KCTD8: variants seen among roughly 807,000 people sequenced by gnomAD.
KCTD8 encodes BTB/POZ domain-containing protein KCTD8.
In KCTD8, 27 loss-of-function variants were observed where a neutral mutation model predicts 31.5. The observed-to-expected ratio is 0.86, with a 90% CI of 0.63 to 1.18. The LOEUF is 1.18. Ranked by LOEUF, KCTD8 falls within the 50% of genes most tolerant of loss-of-function variation. KCTD8 has a pLI of 0.00. For synonymous variants in KCTD8, 290 were observed against 280.0 expected, an observed-to-expected ratio of 1.04 and a Z score of -0.36; for missense variants, 658 against 647.7, an observed-to-expected ratio of 1.02 and a Z score of -0.17.
At chr4:44,429,587 A>G (rs1418495186) in intron 1 of KCTD8, among the ~76,000 whole-genome samples, 3 of 151,946 alleles carry the variant, frequency 2.0e-5, no homozygotes, top group Non-Finnish European at 2.9e-5. Context: ...ACACCATTCA[A>G]TAAGTTCAGC....
intron 1 of KCTD8, among the ~76,000 whole-genome samples, chr4:44,414,930 G>A (rs1346360976): frequency 3.9e-5 from 6 of 152,228 alleles, no homozygotes; most frequent in Non-Finnish European, 7.4e-5. Flanking sequence ...GAGATTAGAC[G>A]AGTTTGGAGG....
intron 1 of KCTD8, among the ~76,000 whole-genome samples, chr4:44,355,533 A>T (rs1214864108): frequency 6.6e-6 from 1 of 152,204 alleles, no homozygotes; most frequent in Non-Finnish European, 1.5e-5. Flanking sequence ...CATAATTTTA[A>T]AAATATTCTT....
At chr4:44,210,758 A>G (rs550201631) in intron 1 of KCTD8, among the ~76,000 whole-genome samples, 2 of 152,242 alleles carry the variant, frequency 1.3e-5, no homozygotes, top group Admixed American at 6.5e-5. Context: ...TCCTCTTTTA[A>G]AGTATGCCTG....
intron 1 of KCTD8, among the ~76,000 whole-genome samples, chr4:44,258,328 A>G (rs1168497825): frequency 6.6e-6 from 1 of 151,362 alleles, no homozygotes. Flanking sequence ...CTCTGTCTAT[A>G]TACTAGAAAA....
At chr4:44,371,417 G>T (rs1719782092) in intron 1 of KCTD8, among the ~76,000 whole-genome samples, 1 of 152,026 alleles carries the variant, frequency 6.6e-6, no homozygotes, top group Non-Finnish European at 1.5e-5. Flanking sequence ...ATAAGAACAG[G>T]GACTTTATCT....
chr4:44,239,323 A>G (rs1715383009), intron 1 of KCTD8, among the ~76,000 whole-genome samples: 1 of 152,196 alleles, frequency 6.6e-6, no homozygotes, highest in South Asian at 2.1e-4. Flanking sequence ...GAACCAGACT[A>G]CTAGTCTCAA....
rs142977377 is a variant in KCTD8 at position 44,358,237 on chromosome 4, T to C, written c.961+89326A>G. Among the ~76,000 whole-genome samples, 548 of 152,334 alleles carry C rather than the reference T, an allele frequency of 3.6e-3. 6 individuals are homozygous for C. Among genetic ancestry groups the C allele is most frequent in the African/African-American group, 0.013 (522 of 41,576 alleles). ...CAAAGGACATGAACTCATCCTTTTTTATGGCTGCATAGTGTTCCATGGTGC... is the reference window on the plus strand; with the variant it reads ...CAAAGGACATGAACTCATCCTTTTTCATGGCTGCATAGTGTTCCATGGTGC... On this transcript the variant is annotated intron_variant, in intron 1 of 1. Coordinates refer to ENST00000360029, the MANE Select transcript of KCTD8 (RefSeq NM_198353.3).
In KCTD8 at chr4:44,267,982, C is replaced by T. The variant is rs867932997; in HGVS notation, c.962-92732G>A. 2.0e-5 allele frequency among the ~76,000 whole-genome samples: 3 copies of T among 152,284 alleles called. No individual in the cohort carries two copies. The Middle Eastern group carries it at 0.01, about 518-fold the overall frequency. On this transcript the variant is annotated intron_variant, in intron 1 of 1. Coordinates refer to ENST00000360029, the MANE Select transcript of KCTD8 (RefSeq NM_198353.3). ...CAGAGGTACAAGGAGGAACTGGTAC[C>T]ATTCCTTCTGAAACTATTCCAATCA...
intron 1 of KCTD8, among the ~76,000 whole-genome samples, chr4:44,225,727 A>AT (rs1714938443): frequency 6.6e-6 from 1 of 151,382 alleles, no homozygotes; most frequent in Non-Finnish European, 1.5e-5. Context: ...TTTGGGATAC[A>AT]TGTGCAGAAC....
intron 1 of KCTD8, among the ~76,000 whole-genome samples, chr4:44,267,879 T>G (rs1298079699): frequency 1.3e-5 from 2 of 152,050 alleles, no homozygotes; most frequent in Non-Finnish European, 2.9e-5. Context: ...AATAACAGGC[T>G]CTTAAATTGT....
chr4:44,264,995 C>T (rs1337850276), intron 1 of KCTD8, among the ~76,000 whole-genome samples: 5 of 152,214 alleles, frequency 3.3e-5, no homozygotes, highest in African/African-American at 1.2e-4. Flanking sequence ...GGAGTAACCT[C>T]TGCAGATTTA....
intron 1 of KCTD8, among the ~76,000 whole-genome samples, chr4:44,447,013 G>C (rs1262669779): frequency 6.6e-6 from 1 of 152,120 alleles, no homozygotes; most frequent in Non-Finnish European, 1.5e-5. Flanking sequence ...CACCTTTATC[G>C]CTTCTCCCCT....
chr4:44,270,065 T>C (rs1185516810), intron 1 of KCTD8, among the ~76,000 whole-genome samples: 1 of 151,744 alleles, frequency 6.6e-6, no homozygotes, highest in Admixed American at 6.6e-5. Context: ...GACTATAAAT[T>C]ATGCTGCTAT....
At chr4:44,355,291 G>C (rs1175330290) in intron 1 of KCTD8, among the ~76,000 whole-genome samples, 1 of 152,038 alleles carries the variant, frequency 6.6e-6, no homozygotes, top group Non-Finnish European at 1.5e-5. Context: ...TAATAATATA[G>C]TCACTAGAAA....
chr4:44,383,306 A>G (rs950078000), intron 1 of KCTD8, among the ~76,000 whole-genome samples: 2 of 152,092 alleles, frequency 1.3e-5, no homozygotes, highest in African/African-American at 4.8e-5. Flanking sequence ...TCACAGAAAT[A>G]GAAAAAAACA....
chr4:44,315,214 AT>A (rs1405697739), intron 1 of KCTD8, among the ~76,000 whole-genome samples: 1 of 151,914 alleles, frequency 6.6e-6, no homozygotes, highest in Non-Finnish European at 1.5e-5. Context: ...CTAGCACTTA[AT>A]ATTATCTATT....
intron 1 of KCTD8, among the ~76,000 whole-genome samples, chr4:44,354,052 AC>A (rs1169848677): frequency 6.6e-6 from 1 of 151,318 alleles, no homozygotes; most frequent in African/African-American, 2.4e-5. Flanking sequence ...TCCTTCCATA[AC>A]TCCCCCTTTC....
At chr4:44,378,109 AAATC>A (rs1368130999) in intron 1 of KCTD8, among the ~76,000 whole-genome samples, 2 of 148,758 alleles carry the variant, frequency 1.3e-5, no homozygotes, top group South Asian at 2.1e-4. Context: ...AGCAAAAAAA[AAATC>A]AAACCACCTC....
chr4:44,185,857 T>G (rs572637797), intron 1 of KCTD8, among the ~76,000 whole-genome samples: 25 of 152,142 alleles, frequency 1.6e-4, no homozygotes, highest in Non-Finnish European at 2.9e-4. Flanking sequence ...CTTTCATCCC[T>G]GTGTTCTGCC....
Sources: allele counts gnomAD v4.1 joint callset (sites outside exome capture counted in the v4.1 genomes callset), GRCh38; gene constraint gnomAD v4.1.1; transcripts MANE v1.5; gene names NCBI Gene and HGNC (gene_info 2026-07-23, HGNC 2026-07-21).